Variants in SOX6 observed in about 807,000 individuals in gnomAD.
SOX6 encodes the protein transcription factor SOX-6.
Under a neutral mutation model 97.8 loss-of-function variants are expected in SOX6, and 11 were observed. The observed-to-expected ratio is 0.11, with a 90% CI of 0.07 to 0.19. The LOEUF is 0.19. Ranked by LOEUF, SOX6 falls within the 10% of genes least tolerant of loss-of-function variation. The pLI is 1.00. For synonymous variants in SOX6, 360 were observed against 371.4 expected (o/e 0.97, Z 0.35); for missense variants, 810 against 1,039.5 (o/e 0.78, Z 3.04).
chr11:16,208,434 T>G (rs1316404510), intron 4 of SOX6, among the ~76,000 whole-genome samples: 1 of 152,386 alleles, frequency 6.6e-6, no homozygotes, highest in South Asian at 2.1e-4. Flanking sequence ...GTGAAATTCC[T>G]GGCGCTTTCG....
At chr11:16,018,793 A>T (rs1427556080) in intron 12 of SOX6, among the ~76,000 whole-genome samples, 1 of 152,088 alleles carries the variant, frequency 6.6e-6, no homozygotes, top group Non-Finnish European at 1.5e-5. Context: ...TAAATTAATG[A>T]CATTTTTATT....
chr11:16,379,640 C>T (rs1428898194), intron 1 of SOX6, among the ~76,000 whole-genome samples: 6 of 152,100 alleles, frequency 3.9e-5, no homozygotes, highest in Admixed American at 3.9e-4. Context: ...TACTCTTATA[C>T]ACTGTTGACA....
intron 4 of SOX6, among the ~76,000 whole-genome samples, chr11:16,215,225 C>T (rs1341135357): frequency 6.6e-6 from 1 of 151,954 alleles, no homozygotes; most frequent in Non-Finnish European, 1.5e-5. Flanking sequence ...TTCAGGAATA[C>T]CGGAAAATTA....
intron 15 of SOX6, 53 bp from the exon 16 acceptor site, chr11:15,973,165 G>T: frequency 6.4e-7 from 1 of 1,558,476 alleles, no homozygotes; most frequent in Non-Finnish European, 8.8e-7. Context: ...CTATATATGT[G>T]CTATGTACAG....
intron 9 of SOX6, among the ~76,000 whole-genome samples, chr11:16,065,296 A>T (rs566832786): frequency 6.6e-6 from 1 of 152,140 alleles, no homozygotes; most frequent in South Asian, 2.1e-4. Context: ...ATGCCTAAAA[A>T]TTAACTAAAA....
At chr11:16,002,425 T>A (rs1854432496) in intron 13 of SOX6, among the ~76,000 whole-genome samples, 1 of 152,198 alleles carries the variant, frequency 6.6e-6, no homozygotes, top group African/African-American at 2.4e-5. Context: ...TTATATTTAC[T>A]TTACACAGAT....
In SOX6 at chr11:15,970,219, TGTGA is replaced by T. The variant is rs1190331019; in HGVS notation, c.*2586_*2589del. ...CTTATAACACTTACGAAACAACATC[TGTGA>T]GTGTGTGTGTTTTTTGTTTTTTTTT... is the stretch of plus-strand genomic sequence containing the variant. On this transcript the variant is annotated 3_prime_UTR_variant, in exon 16 of 16. Transcript: ENST00000683767. 1 of 152,598 alleles carries T rather than the reference TGTGA, an allele frequency of 6.6e-6. No individual in the cohort carries two copies. The highest frequency in any genetic ancestry group is 2.4e-5 in the African/African-American group (1 of 41,450). 9.5% of individuals were successfully genotyped at this position (152,598 alleles called of 1,614,324 possible).
intron 3 of SOX6, among the ~76,000 whole-genome samples, chr11:16,693,975 G>C (rs1267945452): frequency 6.6e-6 from 1 of 152,084 alleles, no homozygotes; most frequent in Non-Finnish European, 1.5e-5. Flanking sequence ...TTCTATGCTA[G>C]AGAAGTAATT....
At chr11:16,737,201 ATTAT>A (rs757138475) in intron 1 of SOX6, among the ~76,000 whole-genome samples, 37 of 151,920 alleles carry the variant, frequency 2.4e-4, no homozygotes, top group African/African-American at 6.8e-4. Flanking sequence ...CATACCACTT[ATTAT>A]TTATTTATTT....
At chr11:16,682,228 G>A (rs1156675926) in intron 3 of SOX6, among the ~76,000 whole-genome samples, 1 of 152,114 alleles carries the variant, frequency 6.6e-6, no homozygotes, top group Non-Finnish European at 1.5e-5. Context: ...ATACTGGCAG[G>A]AGAATGGCAT....
intron 4 of SOX6, among the ~76,000 whole-genome samples, chr11:16,209,383 A>G (rs542487845): frequency 2.2e-4 from 34 of 152,256 alleles, no homozygotes; most frequent in African/African-American, 7.5e-4. Flanking sequence ...ACTAAGCTCT[A>G]TGCAAACTGA....
intron 1 of SOX6, among the ~76,000 whole-genome samples, chr11:16,444,037 C>T (rs546619684): frequency 6.6e-6 from 1 of 151,322 alleles, no homozygotes; most frequent in African/African-American, 2.4e-5. Context: ...AAAAATTGCC[C>T]CGACCTTTTT....
chr11:16,521,838 G>A (rs1047820260), intron 4 of SOX6, among the ~76,000 whole-genome samples: 2 of 152,302 alleles, frequency 1.3e-5, no homozygotes, highest in Non-Finnish European at 1.5e-5. Context: ...GAATGCAGAA[G>A]CCTCAGGAGC....
intron 1 of SOX6, among the ~76,000 whole-genome samples, chr11:16,350,306 T>C (rs555780038): frequency 6.6e-6 from 1 of 152,284 alleles, no homozygotes; most frequent in African/African-American, 2.4e-5. Context: ...AAAACAAGGA[T>C]AGCAAGCGAC....
intron 3 of SOX6, among the ~76,000 whole-genome samples, chr11:16,242,139 G>A (rs1853212451): frequency 6.6e-6 from 1 of 152,028 alleles, no homozygotes; most frequent in African/African-American, 2.4e-5. Flanking sequence ...TATTTATTAT[G>A]TATACAGTCA....
chr11:16,418,920 C>T (rs1457753197), intron 1 of SOX6, among the ~76,000 whole-genome samples: 2 of 152,142 alleles, frequency 1.3e-5, no homozygotes, highest in African/African-American at 4.8e-5. Flanking sequence ...CCTCCCACTC[C>T]TATTTCTCTG....
chr11:16,680,609 T>C (rs1847919826), intron 3 of SOX6, among the ~76,000 whole-genome samples: 1 of 152,172 alleles, frequency 6.6e-6, no homozygotes, highest in South Asian at 2.1e-4. Context: ...CACATAGCAA[T>C]ATTAACCTTA....
intron 6 of SOX6, among the ~76,000 whole-genome samples, chr11:16,129,006 A>G (rs1849673543): frequency 6.7e-6 from 1 of 149,978 alleles, no homozygotes; most frequent in East Asian, 2.0e-4. Flanking sequence ...GATTATAGGC[A>G]TGCAACGCCA....
rs1422621534 is a variant in SOX6, at chr11:16,147,201, A to G, written c.778-35278T>C. ...AAAAAGGATGAATTCATGTCCTTTG[A>G]GGGACATGGATGAAGCTGGAAACTA... On this transcript the variant is annotated intron_variant, in intron 6 of 15. Transcript: ENST00000683767. Among the ~76,000 whole-genome samples, 2 of 152,126 alleles carry G rather than the reference A, an allele frequency of 1.3e-5. 1 individual carries two copies. Among genetic ancestry groups the G allele is most frequent in the East Asian group, 3.9e-4 (2 of 5,178 alleles).
Sources: allele counts gnomAD v4.1 joint callset (sites outside exome capture counted in the v4.1 genomes callset), GRCh38; gene constraint gnomAD v4.1.1; transcripts MANE v1.5; gene names NCBI Gene and HGNC (gene_info 2026-07-23, HGNC 2026-07-21).